Variants in ERCC6L observed in about 807,000 individuals in gnomAD.
ERCC6L encodes ERCC excision repair 6 like, spindle assembly checkpoint helicase.
Under a neutral mutation model 20.1 loss-of-function variants are expected in ERCC6L, and 7 were observed. The ratio of observed to expected loss-of-function variants is 0.35; its 90% CI spans 0.20 to 0.65. The LOEUF (loss-of-function observed/expected upper bound fraction) is 0.65, where lower values mean the gene tolerates loss of function less well. ERCC6L is among the 30% of genes least tolerant of loss of function. ERCC6L has a pLI of 0.69. For synonymous variants in ERCC6L, 278 were observed against 331.3 expected (o/e 0.84, Z 1.75); for missense variants, 592 against 892.4 (o/e 0.66, Z 4.29).
rs866919471 is a variant in ERCC6L at position 72,238,948 on chromosome X, T to C, written c.-37A>G. The C allele has an allele frequency of 1.8e-6, 2 of 1,114,443 alleles. No individual in the cohort carries two copies. The highest frequency in any genetic ancestry group is 2.4e-6 in the Non-Finnish European group (2 of 823,060). The allele number at this position is 1,114,443 out of a possible 1,213,427, so 91.8% of individuals were successfully genotyped here. On this transcript the variant is annotated 5_prime_UTR_variant, in exon 1 of 2. Transcript: ENST00000334463. ...TGGGTTCCAGTTACCCCGGCGGGAG[T>C]TTGGAGCTTGGAGCTTGGAGCTTGG... is the stretch of plus-strand genomic sequence containing the variant.
intron 1 of ERCC6L, among the ~76,000 whole-genome samples, chrX:72,216,440 TATAAC>T (rs1414970600): frequency 1.8e-5 from 2 of 111,946 alleles, no homozygotes; most frequent in Non-Finnish European, 3.8e-5. Flanking sequence ...GTAAAATACA[TATAAC>T]ATAAAATTGC....
At chrX:72,226,046 G>A (rs1165129098) in intron 1 of ERCC6L, among the ~76,000 whole-genome samples, 2 of 111,369 alleles carry the variant, frequency 1.8e-5, no homozygotes, top group Admixed American at 9.6e-5. Context: ...GCCATAAGGC[G>A]CTAAGCTCCA....
At chrX:72,231,737 A>G (rs1000307391) in intron 1 of ERCC6L, among the ~76,000 whole-genome samples, 2 of 111,151 alleles carry the variant, frequency 1.8e-5, no homozygotes, top group South Asian at 7.6e-4. Flanking sequence ...TATTTTTAGT[A>G]GAGACAGAGT....
chrX:72,230,244 C>T (rs1234110317), intron 1 of ERCC6L, among the ~76,000 whole-genome samples: 1 of 110,750 alleles, frequency 9.0e-6, no homozygotes, highest in Admixed American at 9.7e-5. Context: ...CTCATCATAT[C>T]CCACAATTCC....
intron 1 of ERCC6L, among the ~76,000 whole-genome samples, chrX:72,221,670 T>A (rs2042924190): frequency 9.0e-6 from 1 of 111,283 alleles, no homozygotes. Context: ...AGCCGATGGT[T>A]GGAAAATGTC....
intron 1 of ERCC6L, among the ~76,000 whole-genome samples, chrX:72,219,058 C>A (rs190310189): frequency 8.9e-6 from 1 of 112,216 alleles, no homozygotes; most frequent in East Asian, 2.8e-4. Context: ...GAGTTCGAGA[C>A]CTGCCTGGCC....
chrX:72,230,166 C>T (rs1275795671), intron 1 of ERCC6L, among the ~76,000 whole-genome samples: 1 of 108,028 alleles, frequency 9.3e-6, no homozygotes, highest in African/African-American at 3.4e-5. Flanking sequence ...CAGAGCAAGA[C>T]TCCGACTCAA....
intron 1 of ERCC6L, among the ~76,000 whole-genome samples, chrX:72,222,433 C>T (rs1212009916): frequency 9.0e-6 from 1 of 111,287 alleles, no homozygotes; most frequent in Admixed American, 9.6e-5. Context: ...ATGCAGTCCC[C>T]CATAGAGACA....
chrX:72,229,991 C>T (rs569910953), intron 1 of ERCC6L, among the ~76,000 whole-genome samples: 14 of 109,631 alleles, frequency 1.3e-4, no homozygotes, highest in African/African-American at 2.3e-4. Context: ...CTGGCTAACA[C>T]GGTGAAATCC....
intron 1 of ERCC6L, among the ~76,000 whole-genome samples, chrX:72,235,371 T>C (rs933371292): frequency 3.7e-5 from 4 of 106,766 alleles, no homozygotes; most frequent in Non-Finnish European, 1.9e-5. Context: ...TGACCTCCTC[T>C]TCTGCCTCCC....
chrX:72,221,772 A>G (rs770177815), intron 1 of ERCC6L, among the ~76,000 whole-genome samples: 2 of 110,098 alleles, frequency 1.8e-5, no homozygotes, highest in South Asian at 7.8e-4. Flanking sequence ...GCTTTCTTCT[A>G]CCTTAGCTCC....
In ERCC6L at chrX:72,205,326, G is replaced by A. The variant is rs140206006; in HGVS notation, c.3441C>T (p.Ser1147=). ...EASKYTEEDP[S]GETLSSENKS... Reference sequence around the variant, plus strand: ...TGTTTTCTGAAGACAGTGTTTCTCCGGAAGGATCCTCTTCTGTATACTTGG... The same window carrying A: ...TGTTTTCTGAAGACAGTGTTTCTCCAGAAGGATCCTCTTCTGTATACTTGG... The change falls in exon 2 of 2, where the codon TCC becomes TCT. Residue 1147 remains serine (S), a synonymous_variant. Transcript: ENST00000334463. The A allele has an allele frequency of 1.7e-4, 207 of 1,210,345 alleles. 1 individual carries two copies. The East Asian group carries it at 2.9e-3, about 17-fold the overall frequency.
At chrX:72,238,148 GT>G (rs1470178162) in intron 1 of ERCC6L, among the ~76,000 whole-genome samples, 1 of 111,845 alleles carries the variant, frequency 8.9e-6, no homozygotes, top group East Asian at 2.8e-4. Flanking sequence ...TTTAAAAATG[GT>G]TAGGATGATA....
intron 1 of ERCC6L, among the ~76,000 whole-genome samples, chrX:72,233,721 C>CAA (rs35310682): frequency 1.6e-4 from 14 of 89,657 alleles, no homozygotes; most frequent in African/African-American, 4.6e-4. Flanking sequence ...GACTCCGTCT[C>CAA]AAAAAAAAAA....
rs758443175 is a variant in ERCC6L, at chrX:72,207,038, C to T, written c.1729G>A (p.Glu577Lys). ...ATTAGCCTATAAACCACAACATTCT[C>T]TTTTTGTCCAATTCGGTAAACTCTA... ...VDRVYRIGQKENVVVYRLITC... is the reference protein window; with the variant it reads ...VDRVYRIGQKKNVVVYRLITC... The change falls in exon 2 of 2, where the codon GAG (glutamate) becomes AAG (lysine). Residue 577 changes from glutamate to lysine, a missense_variant. Glu to Lys is a moderately conservative substitution (Grantham distance 56, BLOSUM62 1). Transcript: ENST00000334463. 8.3e-7 allele frequency: 1 copy of T among 1,211,710 alleles called. No homozygotes were observed. Among genetic ancestry groups the T allele is most frequent in the East Asian group, 3.0e-5 (1 of 33,843 alleles).
At chrX:72,231,752 C>T (rs538247093) in intron 1 of ERCC6L, among the ~76,000 whole-genome samples, 1 of 111,055 alleles carries the variant, frequency 9.0e-6, no homozygotes, top group Admixed American at 9.7e-5. Flanking sequence ...CAGAGTTTCG[C>T]CATGTTGGTC....
intron 1 of ERCC6L, among the ~76,000 whole-genome samples, chrX:72,212,868 G>C (rs2042863889): frequency 9.0e-6 from 1 of 111,603 alleles, no homozygotes; most frequent in Non-Finnish European, 1.9e-5. Context: ...GCTTGAGCCT[G>C]GGAGGCAGGG....
At chrX:72,209,468 T>C (rs1294598534) in intron 1 of ERCC6L, among the ~76,000 whole-genome samples, 2 of 112,322 alleles carry the variant, frequency 1.8e-5, no homozygotes, top group Non-Finnish European at 3.8e-5. Flanking sequence ...ACCATCTATT[T>C]AGCCACCCAA....
chrX:72,219,983 T>C (rs752481818), intron 1 of ERCC6L, among the ~76,000 whole-genome samples: 1 of 111,530 alleles, frequency 9.0e-6, no homozygotes, highest in South Asian at 3.8e-4. Flanking sequence ...TTAAGTACAA[T>C]GTTAGCTATG....
Sources: gnomAD v4.1 joint callset for allele counts (sites outside exome capture counted in the v4.1 genomes callset) on GRCh38, gnomAD v4.1.1 for gene constraint, MANE v1.5 for transcripts, NCBI Gene and HGNC (gene_info 2026-07-23, HGNC 2026-07-21) for gene names.